ACLY: variants seen among roughly 807,000 people sequenced by gnomAD.
ACLY encodes ATP-citrate synthase.
ACLY carries 41 observed loss-of-function variants against 133.0 expected under a neutral mutation model. That is an observed-to-expected ratio of 0.31 (90% CI 0.24 to 0.40). ACLY has a LOEUF of 0.40. Ranked by LOEUF, ACLY falls within the 10% of genes least tolerant of loss-of-function variation. ACLY has a pLI of 1.00. For missense variants in ACLY, 1,046 were observed against 1,453.8 expected, an observed-to-expected ratio of 0.72 and a Z score of 4.56; for synonymous variants, 495 against 549.3, an observed-to-expected ratio of 0.90 and a Z score of 1.38.
chr17:41,887,127 GAAAAA>G (rs535668437), intron 17 of ACLY, among the ~76,000 whole-genome samples: 9 of 110,412 alleles, frequency 8.2e-5, no homozygotes, highest in African/African-American at 1.2e-4. Flanking sequence ...CCGTCTCAAA[GAAAAA>G]AAAAAAAAAA....
chr17:41,905,252 G>A (rs946394850), intron 9 of ACLY, among the ~76,000 whole-genome samples: 4 of 152,194 alleles, frequency 2.6e-5, no homozygotes, highest in Admixed American at 1.3e-4. Flanking sequence ...ATTGTAGCAG[G>A]AGCATGCCAC....
chr17:41,921,252 C>T (rs1197796447), upstream of ACLY, among the ~76,000 whole-genome samples: 1 of 151,920 alleles, frequency 6.6e-6, no homozygotes, highest in African/African-American at 2.4e-5. Flanking sequence ...GAGCAGAGAT[C>T]GTGCCATTGC....
At position 41,913,753 on chromosome 17, in the gene ACLY, C is replaced by A; in HGVS notation, c.121G>T (p.Ala41Ser). 6.2e-7 allele frequency: 1 copy of A among 1,614,206 alleles called. No homozygotes were observed. The highest frequency in any genetic ancestry group is 8.5e-7 in the Non-Finnish European group (1 of 1,180,040). Residue 41 changes from alanine (A) to serine (S), a missense_variant, in exon 2 of 29, where the codon GCC becomes TCC. Ala to Ser is a moderately conservative substitution (Grantham distance 99). Transcript: ENST00000352035. ...YARVTPDTDW[A>S]RLLQDHPWLL... ...CAGGGGTGGTCCTGCAGCAAGCGGG[C>A]CCAGTCTGTGTCAGGAGTGACCCGA...
At chr17:41,904,577 C>T in intron 10 of ACLY, 152 bp downstream of exon 10, 1 of 673,684 alleles carries the variant, frequency 1.5e-6, no homozygotes, top group Non-Finnish European at 2.6e-6. Flanking sequence ...GTGTCTTCTC[C>T]ACCCCTTTAA....
At chr17:41,896,398 C>T (rs571673383) in intron 14 of ACLY, among the ~76,000 whole-genome samples, 20 of 152,120 alleles carry the variant, frequency 1.3e-4, no homozygotes, top group Non-Finnish European at 2.6e-4. Flanking sequence ...GAAACAGCCA[C>T]ACAGTGAGGA....
At chr17:41,915,175 C>T (rs1381049705) in intron 1 of ACLY, among the ~76,000 whole-genome samples, 1 of 152,194 alleles carries the variant, frequency 6.6e-6, no homozygotes, top group Non-Finnish European at 1.5e-5. Flanking sequence ...CTCCCCTCTC[C>T]AAGACTCTGT....
At chr17:41,921,495 ACAAAAAAG>A (rs1567920694), upstream of ACLY, among the ~76,000 whole-genome samples, 58 of 148,694 alleles carry the variant, frequency 3.9e-4, no homozygotes, top group African/African-American at 1.1e-3. Context: ...AAAAAAAAAA[ACAAAAAAG>A]AAAAAAAGGA....
In ACLY at chr17:41,878,096, C is replaced by A; in HGVS notation, c.2487+7G>T. 1 of 1,530,990 alleles carries A rather than the reference C, an allele frequency of 6.5e-7. No homozygotes were observed. Among genetic ancestry groups the A allele is most frequent in the Non-Finnish European group, 8.8e-7 (1 of 1,140,690 alleles). The allele number at this position is 1,530,990 out of a possible 1,614,324, so 94.8% of individuals were successfully genotyped here. ...CTCACACTGTTAGAGACATTTAAGG[C>A]ACCTACCCTGGCCCAGGAGTAGTCC... On this transcript the variant is annotated splice_region_variant and intron_variant, in intron 22 of 28. Transcript: ENST00000352035.
chr17:41,901,953 G>C (rs1393317511), intron 10 of ACLY, 140 bp from the exon 11 acceptor site: 1 of 629,612 alleles, frequency 1.6e-6, no homozygotes, highest in Non-Finnish European at 2.7e-6. Context: ...AGCAGCCACG[G>C]CCTGGGATAT....
intron 1 of ACLY, 126 bp from the exon 2 acceptor site, chr17:41,914,022 G>A: frequency 2.1e-6 from 2 of 946,714 alleles, no homozygotes; most frequent in Admixed American, 2.6e-5. Context: ...TTCTCAAGAG[G>A]AAGGAAAAAA....
chr17:41,878,878 G>A lies in ACLY; in HGVS notation c.2312C>T (p.Thr771Ile), dbSNP rs368407988. The change falls in exon 21 of 29, where the codon ACT becomes ATT. Residue 771 changes from threonine to isoleucine, a missense_variant. Transcript: ENST00000352035. Reference protein sequence around the residue: ...AGACANQASETAVAKNQALKE... With the variant: ...AGACANQASEIAVAKNQALKE... ...CAAAGCCTGGTTCTTGGCTACTGCA[G>A]TTTCAGAAGCCTGGTTGGCACAAGC... The A allele has an allele frequency of 6.2e-7, 1 of 1,614,038 alleles. No homozygotes were observed. The highest frequency in any genetic ancestry group is 1.3e-5 in the African/African-American group (1 of 74,940).
At chr17:41,890,837 C>A (rs1288197799) in intron 16 of ACLY, among the ~76,000 whole-genome samples, 609 of 73,170 alleles carry the variant, frequency 8.3e-3, no homozygotes, top group African/African-American at 0.013. Flanking sequence ...CCCATCTGTA[C>A]AAAAAAAAAA....
chr17:41,869,477 C>T lies in ACLY; in HGVS notation c.3048G>A (p.Ser1016=), dbSNP rs376532911. Residue 1016 remains serine (S), a synonymous_variant, in exon 26 of 29, where the codon TCG becomes TCA. Coordinates refer to ENST00000352035, the MANE Select transcript of ACLY (RefSeq NM_001096.3). ...YALEVEKITT[S]KKPNLILNVD... ...TAGGAAGTTTTTTCTTTGTTACCTT[C>T]GAGGTGGTAATCTTCTCTACTTCCA... 3 of 1,612,486 alleles carry T rather than the reference C, an allele frequency of 1.9e-6. No individual in the cohort carries two copies. The highest frequency in any genetic ancestry group is 1.3e-5 in the African/African-American group (1 of 74,878).
At chr17:41,902,065 G>A (rs1465686265) in intron 10 of ACLY, among the ~76,000 whole-genome samples, 1 of 152,098 alleles carries the variant, frequency 6.6e-6, no homozygotes, top group East Asian at 1.9e-4. Flanking sequence ...AGGCCTTGCT[G>A]GTCTCTCTTT....
intron 6 of ACLY, among the ~76,000 whole-genome samples, chr17:41,907,813 G>C (rs555103489): frequency 6.6e-6 from 1 of 152,324 alleles, no homozygotes; most frequent in African/African-American, 2.4e-5. Context: ...ATGGAGGTCT[G>C]TATTAGTTGC....
rs2049093242 is a variant in ACLY, at chr17:41,887,698, C to T, written c.1776G>A (p.Arg592=). 3 of 1,613,420 alleles carry T rather than the reference C, an allele frequency of 1.9e-6. No individual in the cohort carries two copies. The highest frequency in any genetic ancestry group is 2.5e-6 in the Non-Finnish European group (3 of 1,179,616). Residue 592 remains arginine, a synonymous_variant, in exon 17 of 29, where the codon CGG becomes CGA. Coordinates refer to ENST00000352035, the MANE Select transcript of ACLY (RefSeq NM_001096.3). ...TGCCTTCAGCTATGATGGCGATGGT[C>T]CGGATCTAGAGGATGACAAAAGTCC... is the stretch of plus-strand genomic sequence containing the variant. The part of the protein sequence containing the change: ...TMETMNYAQI[R]TIAIIAEGIP...
At chr17:41,918,571 C>G (rs1410155795) in intron 1 of ACLY, among the ~76,000 whole-genome samples, 1 of 152,122 alleles carries the variant, frequency 6.6e-6, no homozygotes, top group African/African-American at 2.4e-5. Flanking sequence ...AGGGGTGAGG[C>G]GCGCCAGGAG....
rs782114788 is a variant in ACLY, at chr17:41,869,510, A to G, written c.3015T>C (p.Asp1005=). The G allele has an allele frequency of 1.9e-6, 3 of 1,614,086 alleles. No individual in the cohort carries two copies. In the South Asian group the frequency reaches 3.3e-5, roughly 18 times the overall value. ...RQHFPATPLL[D]YALEVEKITT... The stretch of plus-strand genomic sequence containing the variant: ...TAATCTTCTCTACTTCCAGTGCATA[A>G]TCGAGCAGAGGAGTGGCAGGGAAGT... Residue 1005 remains aspartate (D), a synonymous_variant, in exon 26 of 29, where the codon GAT becomes GAC. Transcript: ENST00000352035.
upstream of ACLY, among the ~76,000 whole-genome samples, chr17:41,921,009 G>A (rs1256336635): frequency 6.6e-6 from 1 of 151,290 alleles, no homozygotes; most frequent in African/African-American, 2.4e-5. Context: ...CAGGAGAATC[G>A]CTTGAACCCA....
Sources: gnomAD v4.1 joint callset for allele counts (sites outside exome capture counted in the v4.1 genomes callset) on GRCh38, gnomAD v4.1.1 for gene constraint, MANE v1.5 for transcripts, NCBI Gene and HGNC (gene_info 2026-07-23, HGNC 2026-07-21) for gene names.